The following KIAA1549L variants were observed in gnomAD, a reference collection of about 807,000 sequenced individuals.
The protein encoded by KIAA1549L is UPF0606 protein KIAA1549L.
Under a neutral mutation model 160.7 loss-of-function variants are expected in KIAA1549L, and 88 were observed. The ratio of observed to expected loss-of-function variants is 0.55; its 90% CI spans 0.46 to 0.65. The LOEUF (loss-of-function observed/expected upper bound fraction) is 0.65, where lower values mean the gene tolerates loss of function less well. KIAA1549L is among the 30% of genes least tolerant of loss of function. KIAA1549L has a pLI of 0.00. For synonymous variants in KIAA1549L, 950 were observed against 976.7 expected (o/e 0.97, Z 0.51); for missense variants, 2,258 against 2,437.5 (o/e 0.93, Z 1.55).
chr11:33,575,612 G>A (rs1180980277), intron 10 of KIAA1549L, among the ~76,000 whole-genome samples: 6 of 152,106 alleles, frequency 3.9e-5, no homozygotes, highest in African/African-American at 7.2e-5. Context: ...TAGGTGGCCC[G>A]GATATTAATC....
intron 1 of KIAA1549L, among the ~76,000 whole-genome samples, chr11:33,446,531 C>T (rs993900757): frequency 7.2e-5 from 11 of 152,164 alleles, no homozygotes; most frequent in African/African-American, 2.7e-4. Flanking sequence ...ACATTTCTTA[C>T]CTCTCACAGT....
At chr11:33,447,611 G>C (rs928861172) in intron 1 of KIAA1549L, among the ~76,000 whole-genome samples, 3 of 125,170 alleles carry the variant, frequency 2.4e-5, no homozygotes, top group African/African-American at 8.9e-5. Context: ...TTGTATACAT[G>C]CACATGAACT....
At chr11:33,384,057 C>T (rs1052102953) in intron 1 of KIAA1549L, among the ~76,000 whole-genome samples, 3 of 152,074 alleles carry the variant, frequency 2.0e-5, no homozygotes, top group African/African-American at 4.8e-5. Flanking sequence ...TGCAATCATG[C>T]GTCCACCACC....
chr11:33,505,608 C>T (rs778883512), intron 1 of KIAA1549L, among the ~76,000 whole-genome samples: 1 of 152,232 alleles, frequency 6.6e-6, no homozygotes, highest in Non-Finnish European at 1.5e-5. Context: ...CAAAGTGAGT[C>T]TTCACTTATA....
At chr11:33,401,197 A>G (rs141136989) in intron 1 of KIAA1549L, among the ~76,000 whole-genome samples, 4,673 of 148,544 alleles carry the variant, frequency 0.031, 101 homozygotes, top group Non-Finnish European at 0.047. Flanking sequence ...TTATATATAT[A>G]TATATGTAAA....
intron 1 of KIAA1549L, among the ~76,000 whole-genome samples, chr11:33,392,213 C>T (rs1346657005): frequency 1.3e-5 from 2 of 152,074 alleles, no homozygotes; most frequent in Non-Finnish European, 2.9e-5. Context: ...CCCTGCCCAC[C>T]CAACATTTTA....
intron 3 of KIAA1549L, 130 bp downstream of exon 3, chr11:33,545,508 T>A: frequency 1.8e-6 from 2 of 1,142,050 alleles, no homozygotes; most frequent in Non-Finnish European, 2.4e-6. Flanking sequence ...CATTTGGCTA[T>A]GTCTGGAGAC....
intron 1 of KIAA1549L, among the ~76,000 whole-genome samples, chr11:33,383,340 A>T (rs1850110985): frequency 6.6e-6 from 1 of 151,884 alleles, no homozygotes; most frequent in Admixed American, 6.5e-5. Context: ...AGTTGGAATG[A>T]CCTTAAAACA....
At position 33,626,079 on chromosome 11, in the gene KIAA1549L, G is replaced by A. The variant is rs980622017; in HGVS notation, c.5409+7417G>A. Among the ~76,000 whole-genome samples the A allele has an allele frequency of 2.8e-4, 42 of 150,800 alleles. 1 individual carries two copies. The highest frequency in any genetic ancestry group is 6.8e-3 in the Middle Eastern group (2 of 294). ...AAGATCAGATAGTTGTAGATATGCG[G>A]CATGATTTCTGAGGGCTCTGTTCTG... On this transcript the variant is annotated intron_variant, in intron 16 of 20. Transcript: ENST00000658780.
intron 8 of KIAA1549L, among the ~76,000 whole-genome samples, chr11:33,565,872 AGT>A (rs1204144404): frequency 1.3e-5 from 2 of 151,964 alleles, no homozygotes; most frequent in Admixed American, 6.6e-5. Context: ...AAAAATAGCC[AGT>A]GTGGTGGCTC....
At chr11:33,591,485 C>G in intron 12 of KIAA1549L, 64 bp downstream of exon 12, 1 of 1,302,726 alleles carries the variant, frequency 7.7e-7, no homozygotes, top group African/African-American at 1.5e-5. Context: ...ATGAGAAAAG[C>G]TGATGCCCTC....
intron 15 of KIAA1549L, among the ~76,000 whole-genome samples, chr11:33,614,601 T>A (rs1337127243): frequency 4.7e-5 from 3 of 64,066 alleles, no homozygotes; most frequent in South Asian, 5.6e-4. Flanking sequence ...TTTTTTTTTT[T>A]TTTTTTTTTT....
intron 1 of KIAA1549L, among the ~76,000 whole-genome samples, chr11:33,428,944 A>G (rs1590237281): frequency 6.6e-6 from 1 of 152,156 alleles, no homozygotes; most frequent in South Asian, 2.1e-4. Context: ...CTATTTCTCC[A>G]CCCTAGTGGG....
chr11:33,661,729 A>G (rs1350990265), intron 20 of KIAA1549L, among the ~76,000 whole-genome samples: 1 of 151,946 alleles, frequency 6.6e-6, no homozygotes, highest in African/African-American at 2.4e-5. Context: ...AAACCACAAA[A>G]ATTAGCTGGG....
At chr11:33,555,953 A>C (rs1854632400) in intron 6 of KIAA1549L, among the ~76,000 whole-genome samples, 1 of 152,202 alleles carries the variant, frequency 6.6e-6, no homozygotes. Context: ...ATATACCTAC[A>C]ACTCAATAAT....
In KIAA1549L at chr11:33,542,219, C is replaced by G. The variant is rs185844914; in HGVS notation, c.656C>G (p.Pro219Arg). Reference sequence around the variant, plus strand: ...GGGACATCCTTCAGTGCTGTCCCCCCATCCCAGCCAGTATGGGCAGGGACT... The same window carrying G: ...GGGACATCCTTCAGTGCTGTCCCCCGATCCCAGCCAGTATGGGCAGGGACT... ...PSGTSFSAVP[P>R]SQPVWAGTSS... Residue 219 changes from proline to arginine, a missense_variant, in exon 2 of 21, where the codon CCA becomes CGA. Coordinates refer to ENST00000658780, the MANE Select transcript of KIAA1549L (RefSeq NM_012194.3). 1.4e-5 allele frequency: 9 copies of G among 659,332 alleles called. 1 individual carries two copies. The highest frequency in any genetic ancestry group is 1.2e-4 in the Admixed American group (6 of 48,440). 40.8% of individuals were successfully genotyped at this position (659,332 alleles called of 1,614,324 possible). A position where few individuals can be genotyped will look rare whatever the true frequency, so the allele number is the denominator to read the frequency against.
chr11:33,388,348 G>A (rs1850213075), intron 1 of KIAA1549L, among the ~76,000 whole-genome samples: 1 of 147,384 alleles, frequency 6.8e-6, no homozygotes, highest in South Asian at 2.1e-4. Context: ...TAGCGTAGGG[G>A]TAACTGCCCC....
Position 33,670,960 on chromosome 11 carries a change from A to T in KIAA1549L, c.*2806A>T, listed in dbSNP as rs377038560. ...CATGTGGCCTGCAGGCTTGTCAGTA[A>T]CACATTTCTTTAGCTGTGCCTAGAG... On this transcript the variant is annotated 3_prime_UTR_variant, in exon 21 of 21. Coordinates refer to ENST00000658780, the MANE Select transcript of KIAA1549L (RefSeq NM_012194.3). 1 of 152,326 alleles carries T rather than the reference A, an allele frequency of 6.6e-6. No homozygotes were observed. Among genetic ancestry groups the T allele is most frequent in the African/African-American group, 2.4e-5 (1 of 41,568 alleles). 9.4% of individuals were successfully genotyped at this position (152,326 alleles called of 1,614,324 possible).
At chr11:33,428,722 C>T (rs539875461) in intron 1 of KIAA1549L, among the ~76,000 whole-genome samples, 1 of 152,266 alleles carries the variant, frequency 6.6e-6, no homozygotes, top group Non-Finnish European at 1.5e-5. Flanking sequence ...TGAGTTGGTT[C>T]CAAGTCTTTG....
Sources: allele counts gnomAD v4.1 joint callset (sites outside exome capture counted in the v4.1 genomes callset), GRCh38; gene constraint gnomAD v4.1.1; transcripts MANE v1.5; gene names NCBI Gene and HGNC (gene_info 2026-07-23, HGNC 2026-07-21).